The following RFPL1 variants were observed in gnomAD, a reference collection of about 807,000 sequenced individuals.
The protein encoded by RFPL1 is ret finger protein like 1, also known as ret finger protein-like 1.
RFPL1 carries 6 observed loss-of-function variants against 9.6 expected under a neutral mutation model. That is an observed-to-expected ratio of 0.62 (90% CI 0.34 to 1.23). RFPL1 has a LOEUF of 1.23. Ranked by LOEUF, RFPL1 falls within the 50% of genes most tolerant of loss-of-function variation. RFPL1 has a pLI of 0.03. For synonymous variants in RFPL1, 145 were observed against 149.4 expected (o/e 0.97, Z 0.22); for missense variants, 352 against 398.4 (o/e 0.88, Z 0.99).
At chr22:29,409,396 C>T in the RFPL1 span, among the ~76,000 whole-genome samples, 1 of 152,158 alleles carries the variant, frequency 6.6e-6, no homozygotes, top group Non-Finnish European at 1.5e-5. Context: ...TCTTTCATTT[C>T]CTTCTGCCCT....
At chr22:29,424,829 T>TCCCC in the RFPL1 span, among the ~76,000 whole-genome samples, 1 of 18,772 alleles carries the variant, frequency 5.3e-5, no homozygotes, top group East Asian at 3.0e-3. Context: ...TCCCTGTCCC[T>TCCCC]CCCACCCCCC....
At chr22:29,438,061 A>AG (rs1569183276), upstream of RFPL1, 1 of 207,870 alleles carries the variant, frequency 4.8e-6, no homozygotes. Flanking sequence ...ATTTGTAGAG[A>AG]GGGGGTCTTC....
the RFPL1 span, among the ~76,000 whole-genome samples, chr22:29,393,032 T>C: frequency 0.36 from 54,375 of 152,012 alleles, 10,643 homozygotes; most frequent in East Asian, 0.66. Context: ...GGGAGAAAGA[T>C]AAACAAAGGG....
chr22:29,415,852 G>A, the RFPL1 span, among the ~76,000 whole-genome samples: 1 of 152,186 alleles, frequency 6.6e-6, no homozygotes. Flanking sequence ...ACCATTGTCT[G>A]TGATCTATAG....
At chr22:29,408,139 T>G in the RFPL1 span, among the ~76,000 whole-genome samples, 1 of 152,188 alleles carries the variant, frequency 6.6e-6, no homozygotes, top group Non-Finnish European at 1.5e-5. Context: ...GCAGGATATG[T>G]AGATCCACAG....
In RFPL1 at chr22:29,441,551, C is replaced by T. The variant is rs571279619; in HGVS notation, c.383C>T (p.Thr128Ile). 7.2e-5 allele frequency: 116 copies of T among 1,610,962 alleles called. 2 individuals are homozygous for T. The South Asian group carries it at 1.2e-3, about 17-fold the overall frequency. The change falls in exon 2 of 2, where the codon ACC becomes ATC. Residue 128 changes from threonine to isoleucine, a missense_variant. Physicochemically the swap from Thr to Ile is moderately conservative, Grantham distance 89. Coordinates refer to ENST00000354373, the Ensembl canonical transcript of RFPL1. The stretch of plus-strand genomic sequence containing the variant: ...TTTTTCCTTTTCACAGTGGATATGA[C>T]CTTGGATGCCGACACAGCCAACAAC...
chr22:29,399,019 C>T, the RFPL1 span, among the ~76,000 whole-genome samples: 1 of 152,180 alleles, frequency 6.6e-6, no homozygotes, highest in Admixed American at 6.5e-5. Context: ...CTCCAGAACA[C>T]TTACAAAGTG....
the RFPL1 span, among the ~76,000 whole-genome samples, chr22:29,415,780 T>C: frequency 6.6e-6 from 1 of 152,242 alleles, no homozygotes; most frequent in Non-Finnish European, 1.5e-5. Flanking sequence ...AGGGTCGTGA[T>C]AGACTGAGCA....
chr22:29,399,376 C>T, the RFPL1 span, among the ~76,000 whole-genome samples: 2 of 152,032 alleles, frequency 1.3e-5, no homozygotes, highest in South Asian at 2.1e-4. Flanking sequence ...TTTTTGTGTA[C>T]GTCTGTTGTT....
the RFPL1 span, among the ~76,000 whole-genome samples, chr22:29,411,842 G>C: frequency 6.6e-6 from 1 of 152,136 alleles, no homozygotes. Context: ...TAATATATTG[G>C]GGGTTTGTGT....
chr22:29,439,224 C>T lies in RFPL1; in HGVS notation c.373+60C>T, dbSNP rs2062825445. ...ACCAGACCAGGAAAAATCATCTGTG[C>T]AACTGGCCCCTCATTCCATATGGGG... On this transcript the variant is annotated intron_variant, in intron 1 of 1. Coordinates refer to ENST00000354373, the Ensembl canonical transcript of RFPL1. The T allele has an allele frequency of 1.0e-5, 16 of 1,556,886 alleles. No homozygotes were observed. The South Asian group carries it at 2.0e-4, about 19-fold the overall frequency.
the RFPL1 span, among the ~76,000 whole-genome samples, chr22:29,400,385 C>T: frequency 6.6e-6 from 1 of 152,154 alleles, no homozygotes; most frequent in Non-Finnish European, 1.5e-5. Flanking sequence ...GAGAGCTGGT[C>T]ATGAAAAGAG....
At chr22:29,426,197 C>T in the RFPL1 span, among the ~76,000 whole-genome samples, 1 of 151,674 alleles carries the variant, frequency 6.6e-6, no homozygotes, top group Non-Finnish European at 1.5e-5. Context: ...GTGGCAAGTG[C>T]CTGTAATCCC....
At chr22:29,421,481 C>G in the RFPL1 span, among the ~76,000 whole-genome samples, 9 of 150,026 alleles carry the variant, frequency 6.0e-5, no homozygotes, top group African/African-American at 9.7e-5. Context: ...ACACTCAGCA[C>G]TACGTTCACC....
At chr22:29,424,997 G>C in the RFPL1 span, among the ~76,000 whole-genome samples, 1 of 151,930 alleles carries the variant, frequency 6.6e-6, no homozygotes, top group East Asian at 1.9e-4. Flanking sequence ...GAGGTCAGGA[G>C]ATCGAGACCA....
chr22:29,396,645 T>TA, the RFPL1 span, among the ~76,000 whole-genome samples: 19 of 151,336 alleles, frequency 1.3e-4, no homozygotes, highest in African/African-American at 3.9e-4. Flanking sequence ...TTGTATTAAT[T>TA]AAAAAAAAAT....
At chr22:29,439,190 C>T in intron 1 of RFPL1, 26 bp downstream of exon 1, 2 of 1,600,788 alleles carry the variant, frequency 1.2e-6, no homozygotes, top group East Asian at 2.2e-5. Flanking sequence ...ACACTGCCCC[C>T]TTCCTACGAC....
At chr22:29,427,463 T>G in the RFPL1 span, among the ~76,000 whole-genome samples, 12 of 152,224 alleles carry the variant, frequency 7.9e-5, no homozygotes, top group Admixed American at 4.6e-4. Flanking sequence ...GATTCCTAAC[T>G]GAATAGGATT....
At chr22:29,404,808 C>A in the RFPL1 span, among the ~76,000 whole-genome samples, 1 of 152,136 alleles carries the variant, frequency 6.6e-6, no homozygotes, top group African/African-American at 2.4e-5. Context: ...CTCACTGCAG[C>A]CTCAAACTCC....
Sources: allele counts gnomAD v4.1 joint callset (sites outside exome capture counted in the v4.1 genomes callset), GRCh38; gene constraint gnomAD v4.1.1; transcripts MANE v1.5; gene names NCBI Gene and HGNC (gene_info 2026-07-23, HGNC 2026-07-21).